Variants in AKT3 observed in about 807,000 individuals in gnomAD.
The protein encoded by AKT3 is RAC-gamma serine/threonine-protein kinase.
A neutral mutation model predicts 65.3 loss-of-function variants in AKT3; 15 were observed. That is an observed-to-expected ratio of 0.23 (90% CI 0.15 to 0.35). The LOEUF is 0.35. Ranked by LOEUF, AKT3 falls within the 10% of genes least tolerant of loss-of-function variation. The pLI is 1.00. For synonymous variants in AKT3, 206 were observed against 183.8 expected (o/e 1.12, Z -0.98); for missense variants, 243 against 576.5 (o/e 0.42, Z 5.92).
intron 2 of AKT3, chr1:243,793,436 G>C (rs929829105): frequency 2.0e-5 from 3 of 151,966 alleles, no homozygotes; most frequent in African/African-American, 7.3e-5. Flanking sequence ...GCAGGCTCTA[G>C]AAAACAAATG....
At chr1:243,786,411 CAGTT>C (rs1221625784) in intron 2 of AKT3, among the ~76,000 whole-genome samples, 1 of 152,148 alleles carries the variant, frequency 6.6e-6, no homozygotes, top group African/African-American at 2.4e-5. Context: ...GCAGGATAGT[CAGTT>C]ATTTAAGTGT....
intron 2 of AKT3, among the ~76,000 whole-genome samples, chr1:243,826,554 T>C (rs1694181177): frequency 6.6e-6 from 1 of 152,170 alleles, no homozygotes; most frequent in Non-Finnish European, 1.5e-5. Context: ...ACACCAGCCA[T>C]CTCCCATTTG....
At chr1:243,843,034 A>G in intron 2 of AKT3, 91 bp downstream of exon 2, 1 of 1,323,444 alleles carries the variant, frequency 7.6e-7, no homozygotes, top group Non-Finnish European at 1.1e-6. Context: ...GACACAGTTT[A>G]ACAGTATCAG....
In AKT3 at chr1:243,502,285, G is replaced by A. The variant is rs574643961; in HGVS notation, c.*2964C>T. On this transcript the variant is annotated 3_prime_UTR_variant, in exon 14 of 14. Transcript: ENST00000673466. ...CCCTTACTTTTGTACTCTAGGAGAA[G>A]CAAGTGGCCCCTGCAAGAACAGTCA... 1 of 232,888 alleles carries A rather than the reference G, an allele frequency of 4.3e-6. No individual in the cohort carries two copies. The highest frequency in any genetic ancestry group is 8.5e-6 in the Non-Finnish European group (1 of 117,808). The allele number at this position is 232,888 out of a possible 1,614,324, so 14.4% of individuals were successfully genotyped here. A position where few individuals can be genotyped will look rare whatever the true frequency, so the allele number is the denominator to read the frequency against.
intron 2 of AKT3, among the ~76,000 whole-genome samples, chr1:243,765,978 A>T (rs1201130786): frequency 6.6e-6 from 1 of 152,166 alleles, no homozygotes; most frequent in Non-Finnish European, 1.5e-5. Context: ...GTCCTCTACA[A>T]AGCTTTTCTT....
At chr1:243,603,786 G>A (rs556288447) in intron 8 of AKT3, among the ~76,000 whole-genome samples, 1 of 151,980 alleles carries the variant, frequency 6.6e-6, no homozygotes, top group Non-Finnish European at 1.5e-5. Context: ...GCAGCAAACA[G>A]GAAATCATAT....
At chr1:243,640,412 G>A (rs1486472) in intron 5 of AKT3, among the ~76,000 whole-genome samples, 75,933 of 151,952 alleles carry the variant, frequency 0.5, 22,242 homozygotes, top group Non-Finnish European at 0.65. Context: ...CTCTCTCCCC[G>A]GGCTAACCCT....
intron 8 of AKT3, among the ~76,000 whole-genome samples, chr1:243,603,444 G>C (rs1347699234): frequency 6.6e-6 from 1 of 152,098 alleles, no homozygotes; most frequent in East Asian, 1.9e-4. Flanking sequence ...CTCCTGCCCA[G>C]GATCCTCCTT....
chr1:243,848,982 C>T (rs1425097274), intron 1 of AKT3, among the ~76,000 whole-genome samples: 1 of 152,212 alleles, frequency 6.6e-6, no homozygotes, highest in East Asian at 1.9e-4. Flanking sequence ...GCTTTCAGAA[C>T]ATAAACAGTA....
At chr1:243,587,606 G>A (rs149248681) in intron 8 of AKT3, among the ~76,000 whole-genome samples, 1,826 of 152,168 alleles carry the variant, frequency 0.012, 14 homozygotes, top group South Asian at 0.032. Flanking sequence ...GCAAGACTCC[G>A]TCTCAAAAAT....
intron 12 of AKT3, among the ~76,000 whole-genome samples, chr1:243,523,265 A>ACT (rs1257456711): frequency 1.9e-5 from 2 of 104,208 alleles, no homozygotes; most frequent in Non-Finnish European, 4.1e-5. Context: ...GGACGAACAC[A>ACT]CACACACACA....
chr1:243,795,866 C>T (rs768960871), intron 2 of AKT3, among the ~76,000 whole-genome samples: 4 of 152,150 alleles, frequency 2.6e-5, no homozygotes, highest in Non-Finnish European at 5.9e-5. Context: ...ACCTTGTTCT[C>T]CTGAGGCCAG....
At chr1:243,579,371 C>T (rs1414775052) in intron 8 of AKT3, among the ~76,000 whole-genome samples, 1 of 151,862 alleles carries the variant, frequency 6.6e-6, no homozygotes, top group Non-Finnish European at 1.5e-5. Context: ...TCTTAGGGTA[C>T]TACTATACAT....
chr1:243,526,779 TAA>T (rs1180642142), intron 12 of AKT3, among the ~76,000 whole-genome samples: 12 of 15,198 alleles, frequency 7.9e-4, no homozygotes, highest in African/African-American at 2.8e-3. Flanking sequence ...AAAAAATGGT[TAA>T]AAAAAAAAAA....
intron 2 of AKT3, among the ~76,000 whole-genome samples, chr1:243,715,716 CTT>C (rs888675932): frequency 2.6e-5 from 4 of 151,958 alleles, no homozygotes; most frequent in Admixed American, 6.6e-5. Flanking sequence ...AGAAGAGAAA[CTT>C]TTCATTATTT....
At chr1:243,561,750 G>A (rs1249926620) in intron 10 of AKT3, among the ~76,000 whole-genome samples, 2 of 152,110 alleles carry the variant, frequency 1.3e-5, no homozygotes, top group Admixed American at 1.3e-4. Flanking sequence ...TGCTCTCTTT[G>A]GAAAGCTCTT....
intron 3 of AKT3, among the ~76,000 whole-genome samples, chr1:243,680,619 A>T (rs1391804986): frequency 6.6e-6 from 1 of 152,174 alleles, no homozygotes; most frequent in Non-Finnish European, 1.5e-5. Flanking sequence ...ATAGGGGTGA[A>T]AAAATCAGAA....
At chr1:243,804,033 A>C (rs1038289344) in intron 2 of AKT3, among the ~76,000 whole-genome samples, 1 of 152,220 alleles carries the variant, frequency 6.6e-6, no homozygotes, top group African/African-American at 2.4e-5. Flanking sequence ...GCCAGCCCAC[A>C]CAGCAGAAGA....
At chr1:243,723,265 C>T (rs932645936) in intron 2 of AKT3, among the ~76,000 whole-genome samples, 1 of 152,104 alleles carries the variant, frequency 6.6e-6, no homozygotes, top group African/African-American at 2.4e-5. Flanking sequence ...TAGGAGTTTT[C>T]CTGAATTCAT....
Sources: allele counts gnomAD v4.1 joint callset (sites outside exome capture counted in the v4.1 genomes callset), GRCh38; gene constraint gnomAD v4.1.1; transcripts MANE v1.5; gene names NCBI Gene and HGNC (gene_info 2026-07-23, HGNC 2026-07-21).